The following TTC6 variants were observed in gnomAD, a reference collection of about 807,000 sequenced individuals.
TTC6 encodes the protein tetratricopeptide repeat protein 6.
In TTC6, 172 loss-of-function variants were observed where a neutral mutation model predicts 210.4. The ratio of observed to expected loss-of-function variants is 0.82; its 90% confidence interval spans 0.72 to 0.93. TTC6 has a LOEUF of 0.93. TTC6 is among the 40% of genes least tolerant of loss of function. The pLI, the probability that TTC6 is intolerant of heterozygous loss-of-function variation, is 0.00. For synonymous variants in TTC6, 804 were observed against 819.6 expected (o/e 0.98, Z 0.32); for missense variants, 2,414 against 2,318.1 (o/e 1.04, Z -0.85).
At chr14:37,817,676 G>C in intron 26 of TTC6, 25 bp downstream of exon 28, 2 of 1,608,014 alleles carry the variant, frequency 1.2e-6, no homozygotes, top group Non-Finnish European at 1.7e-6. Context: ...TGATGTCAAA[G>C]TGGAATCAAG....
At chr14:37,782,333 G>A (rs762915270) in intron 14 of TTC6, among the ~76,000 whole-genome samples, 6 of 152,056 alleles carry the variant, frequency 3.9e-5, no homozygotes, top group Non-Finnish European at 8.8e-5. Flanking sequence ...TCCTTGAAGA[G>A]GTCCTTCACA....
intron 2 of TTC6, among the ~76,000 whole-genome samples, chr14:37,681,272 A>G (rs1449378288): frequency 6.6e-6 from 1 of 152,134 alleles, no homozygotes; most frequent in East Asian, 1.9e-4. Context: ...GGTATAGTAA[A>G]CTGAAAGTAC....
intron 14 of TTC6, among the ~76,000 whole-genome samples, chr14:37,753,490 C>T (rs1287356337): frequency 1.3e-5 from 2 of 152,210 alleles, no homozygotes; most frequent in Non-Finnish European, 2.9e-5. Flanking sequence ...AAAGCATTGC[C>T]TACCACCTTG....
At chr14:37,636,009 A>G (rs983791480) in intron 1 of TTC6, among the ~76,000 whole-genome samples, 1 of 151,572 alleles carries the variant, frequency 6.6e-6, no homozygotes, top group African/African-American at 2.4e-5. Context: ...AAGAAAAAAA[A>G]AAGAAAATTA....
At chr14:37,742,705 A>G (rs567352599) in intron 10 of TTC6, among the ~76,000 whole-genome samples, 1 of 152,134 alleles carries the variant, frequency 6.6e-6, no homozygotes, top group East Asian at 1.9e-4. Context: ...GGCATGAACC[A>G]CTGCGTCTGG....
exon 1 of TTC6, chr14:37,622,762 A>G: frequency 6.5e-7 from 1 of 1,534,982 alleles, no homozygotes; most frequent in Non-Finnish European, 8.7e-7. Flanking sequence ...TTCGTGAGCG[A>G]GAGCGGGGCC....
intron 1 of TTC6, among the ~76,000 whole-genome samples, chr14:37,624,723 G>A (rs940897948): frequency 6.6e-6 from 1 of 151,844 alleles, no homozygotes; most frequent in Admixed American, 6.6e-5. Flanking sequence ...CTGGGTTCAC[G>A]CCATTCTCCT....
At chr14:37,602,205 G>A (rs1039907070) in intron 1 of TTC6, among the ~76,000 whole-genome samples, 21 of 152,262 alleles carry the variant, frequency 1.4e-4, no homozygotes, top group Non-Finnish European at 2.6e-4. Flanking sequence ...TTAGCTGGCC[G>A]TGGCGGAGAC....
chr14:37,782,028 A>G (rs1158663202), intron 14 of TTC6, among the ~76,000 whole-genome samples: 1 of 152,124 alleles, frequency 6.6e-6, no homozygotes, highest in Non-Finnish European at 1.5e-5. Flanking sequence ...TGGTTACTGT[A>G]GCCTTGTAGT....
intron 5 of TTC6, among the ~76,000 whole-genome samples, chr14:37,710,121 G>A (rs914005877): frequency 6.6e-6 from 1 of 152,080 alleles, no homozygotes; most frequent in African/African-American, 2.4e-5. Context: ...CATCTTCTAT[G>A]GGTTACCTAA....
intron 14 of TTC6, among the ~76,000 whole-genome samples, chr14:37,764,730 A>T (rs2095993596): frequency 6.6e-6 from 1 of 152,084 alleles, no homozygotes; most frequent in Admixed American, 6.6e-5. Context: ...TATTTTCCCA[A>T]TATCTTCCTT....
At chr14:37,633,451 C>T (rs2095673979) in intron 1 of TTC6, among the ~76,000 whole-genome samples, 1 of 152,184 alleles carries the variant, frequency 6.6e-6, no homozygotes, top group African/African-American at 2.4e-5. Context: ...TTGTGGGCTG[C>T]ACCCACTGTC....
At chr14:37,688,443 A>AT (rs2095797880) in intron 3 of TTC6, among the ~76,000 whole-genome samples, 1 of 152,056 alleles carries the variant, frequency 6.6e-6, no homozygotes. Flanking sequence ...TTGAGCAAAC[A>AT]TAAGTAGTGG....
intron 29 of TTC6, among the ~76,000 whole-genome samples, chr14:37,835,621 A>AT (rs1371270969): frequency 1.3e-5 from 2 of 152,152 alleles, no homozygotes; most frequent in African/African-American, 4.8e-5. Context: ...GGATGTAAGT[A>AT]TTAGTCACCA....
chr14:37,685,697 G>T (rs902718797), intron 3 of TTC6, among the ~76,000 whole-genome samples: 1 of 152,172 alleles, frequency 6.6e-6, no homozygotes, highest in Non-Finnish European at 1.5e-5. Flanking sequence ...ATTTGTAAAA[G>T]ATTTTAAGAG....
At chr14:37,790,101 C>T (rs2096076111) in intron 15 of TTC6, among the ~76,000 whole-genome samples, 1 of 152,002 alleles carries the variant, frequency 6.6e-6, no homozygotes, top group Non-Finnish European at 1.5e-5. Flanking sequence ...TTTCTCCCTT[C>T]CATTATTAGG....
chr14:37,809,313 C>T (rs939165289), intron 24 of TTC6, among the ~76,000 whole-genome samples: 9 of 136,578 alleles, frequency 6.6e-5, no homozygotes, highest in South Asian at 2.3e-4. Context: ...AGCGCAGTGG[C>T]GTGATCTTGG....
intron 4 of TTC6, among the ~76,000 whole-genome samples, chr14:37,699,630 C>T (rs924036505): frequency 2.6e-5 from 4 of 152,178 alleles, no homozygotes; most frequent in Non-Finnish European, 4.4e-5. Context: ...CTCAACCCAA[C>T]TGGTGAACGA....
At chr14:37,615,808 G>A (rs993017471) in intron 2 of TTC6, among the ~76,000 whole-genome samples, 2 of 151,870 alleles carry the variant, frequency 1.3e-5, no homozygotes, top group South Asian at 4.2e-4. Flanking sequence ...ACTTGATTGA[G>A]CATGGTTATA....
Sources: allele counts gnomAD v4.1 joint callset (sites outside exome capture counted in the v4.1 genomes callset), GRCh38; gene constraint gnomAD v4.1.1; transcripts MANE v1.5; gene names NCBI Gene and HGNC (gene_info 2026-07-23, HGNC 2026-07-21).